DYM: variants seen among roughly 807,000 people sequenced by gnomAD.
DYM encodes dymeclin.
Under a neutral mutation model 93.1 loss-of-function variants are expected in DYM, and 78 were observed. The observed-to-expected ratio is 0.84, with a 90% CI of 0.70 to 1.01. The LOEUF (loss-of-function observed/expected upper bound fraction) is 1.01, where lower values mean the gene tolerates loss of function less well. Ranked by LOEUF, DYM falls within the 50% of genes least tolerant of loss-of-function variation. DYM has a pLI of 0.00. For synonymous variants in DYM, 321 were observed against 319.7 expected, an observed-to-expected ratio of 1.00 and a Z score of -0.04; for missense variants, 789 against 845.0, an observed-to-expected ratio of 0.93 and a Z score of 0.82.
intron 13 of DYM, among the ~76,000 whole-genome samples, chr18:49,247,261 A>G (rs1427107174): frequency 6.6e-6 from 1 of 152,174 alleles, no homozygotes; most frequent in African/African-American, 2.4e-5. Flanking sequence ...GGGTATGGGA[A>G]CCACACAAGA....
intron 16 of DYM, among the ~76,000 whole-genome samples, chr18:49,112,702 A>C (rs535426942): frequency 6.6e-6 from 1 of 152,326 alleles, no homozygotes; most frequent in African/African-American, 2.4e-5. Context: ...CATACAATAA[A>C]ATAAACATAC....
At chr18:49,309,726 TTAA>T (rs1280730398) in intron 8 of DYM, among the ~76,000 whole-genome samples, 3 of 152,240 alleles carry the variant, frequency 2.0e-5, no homozygotes, top group African/African-American at 7.2e-5. Context: ...ATCTGTGGTC[TTAA>T]AATTTCCTGC....
chr18:49,392,994 C>CAAAA lies in DYM; in HGVS notation c.141-1353_141-1350dup, dbSNP rs756183855. ...TGGGAGACAGAGTCAGACTCCATCTCAAAAAAAAAAAAAGAAGAAGAAGAA... is the reference window on the plus strand; with the variant it reads ...TGGGAGACAGAGTCAGACTCCATCTCAAAAAAAAAAAAAAAAAGAAGAAGAAGAA... On this transcript the variant is annotated intron_variant, in intron 2 of 17. Transcript: ENST00000675505. Among the ~76,000 whole-genome samples, 498 of 61,888 alleles carry CAAAA rather than the reference C, an allele frequency of 8.0e-3. 21 individuals are homozygous for CAAAA. The highest frequency in any genetic ancestry group is 0.028 in the African/African-American group (473 of 16,896). 40.6% of individuals were successfully genotyped at this position (61,888 alleles called of 152,430 possible). A position where few individuals can be genotyped will look rare whatever the true frequency, so the allele number is the denominator to read the frequency against.
intron 16 of DYM, among the ~76,000 whole-genome samples, chr18:49,106,291 A>G (rs1467206470): frequency 6.6e-6 from 1 of 152,034 alleles, no homozygotes; most frequent in African/African-American, 2.4e-5. Flanking sequence ...TTCTGAGCCT[A>G]TTTGTGTCTC....
At chr18:49,257,138 C>G in intron 12 of DYM, 34 bp from the exon 13 acceptor site, 1 of 1,497,034 alleles carries the variant, frequency 6.7e-7, no homozygotes, top group Non-Finnish European at 9.3e-7. Context: ...AACATACAAT[C>G]AAGTCTTCTC....
chr18:49,445,386 G>T (rs566122750), intron 1 of DYM, among the ~76,000 whole-genome samples: 2 of 152,006 alleles, frequency 1.3e-5, no homozygotes, highest in Non-Finnish European at 2.9e-5. Context: ...TCTTTTAACC[G>T]TTTCATATTG....
chr18:49,203,414 C>T (rs1176915349), intron 14 of DYM, among the ~76,000 whole-genome samples: 1 of 144,292 alleles, frequency 6.9e-6, no homozygotes, highest in African/African-American at 2.7e-5. Context: ...AATAGAAAGG[C>T]GGGAAAGGTG....
chr18:49,116,696 T>G (rs2081955763), intron 16 of DYM, among the ~76,000 whole-genome samples: 1 of 152,230 alleles, frequency 6.6e-6, no homozygotes, highest in Non-Finnish European at 1.5e-5. Context: ...ACTCTTTACT[T>G]TCCTTAATAA....
At chr18:49,282,851 T>C (rs1325714930) in intron 9 of DYM, among the ~76,000 whole-genome samples, 1 of 152,054 alleles carries the variant, frequency 6.6e-6, no homozygotes, top group Admixed American at 6.6e-5. Context: ...AAAAAATATC[T>C]ACAGAAAAAG....
Position 49,258,381 on chromosome 18 carries a change from C to T in DYM, c.1364G>A (p.Arg455Gln), listed in dbSNP as rs1186473556. The T allele has an allele frequency of 3.2e-6, 5 of 1,586,298 alleles. No homozygotes were observed. The highest frequency in any genetic ancestry group is 3.3e-5 in the Admixed American group (2 of 59,968). Reference sequence around the variant, plus strand: ...TAGAATAGCAGCTGGAATACTTACTCGTGTCCTAGTCATGTTGTATTGAAT... The same window carrying T: ...TAGAATAGCAGCTGGAATACTTACTTGTGTCCTAGTCATGTTGTATTGAAT... ...RTIQYNMTRT[R>Q]DKYLHTNCLA... is the part of the protein sequence containing the mutation. Residue 455 changes from arginine to glutamine, a missense_variant and splice_region_variant, in exon 12 of 18, where the codon CGA becomes CAA. Transcript: ENST00000675505.
At chr18:49,216,133 G>C (rs137857271) in intron 13 of DYM, among the ~76,000 whole-genome samples, 1 of 152,172 alleles carries the variant, frequency 6.6e-6, no homozygotes, top group Non-Finnish European at 1.5e-5. Flanking sequence ...CTACACCCAC[G>C]GAGTCTCACT....
rs1418977758 is a variant in DYM at position 49,036,772 on chromosome 18, G to A, written c.*7283C>T. On this transcript the variant is annotated 3_prime_UTR_variant, in exon 18 of 18. Coordinates refer to ENST00000675505, the MANE Select transcript of DYM (RefSeq NM_001353214.3). ...AGGGTTTCACCATGTTATCCAGGCT[G>A]GCTCTTAAATATTTTAAATGTCTGC... Among the ~76,000 whole-genome samples the A allele has an allele frequency of 6.6e-6, 1 of 151,974 alleles. No individual in the cohort carries two copies. Among genetic ancestry groups the A allele is most frequent in the African/African-American group, 2.4e-5 (1 of 41,364 alleles).
chr18:49,316,383 T>G (rs568362714), intron 8 of DYM, among the ~76,000 whole-genome samples: 1 of 152,180 alleles, frequency 6.6e-6, no homozygotes, highest in Non-Finnish European at 1.5e-5. Flanking sequence ...CTGGCTTATT[T>G]TGTAAAACTG....
chr18:49,425,440 C>G (rs2148402298), intron 2 of DYM, among the ~76,000 whole-genome samples: 1 of 152,164 alleles, frequency 6.6e-6, no homozygotes, highest in Middle Eastern at 3.4e-3. Flanking sequence ...CGATAAAAAC[C>G]CTAGAAGAAA....
At chr18:49,222,268 C>A (rs546427190) in intron 13 of DYM, among the ~76,000 whole-genome samples, 92 of 152,104 alleles carry the variant, frequency 6.0e-4, no homozygotes, top group African/African-American at 2.2e-3. Flanking sequence ...TGAATTAGAA[C>A]TAAGAGTATA....
chr18:49,431,606 G>A (rs1291236024), intron 1 of DYM: 3 of 152,102 alleles, frequency 2.0e-5, no homozygotes, highest in Non-Finnish European at 4.4e-5. Context: ...ATGGTGATAA[G>A]ATAAATAATA....
At chr18:49,345,599 A>G (rs2064519445) in intron 6 of DYM, among the ~76,000 whole-genome samples, 1 of 152,156 alleles carries the variant, frequency 6.6e-6, no homozygotes, top group Non-Finnish European at 1.5e-5. Flanking sequence ...TTAAGGAACA[A>G]CAAAGAGGCC....
chr18:49,182,889 G>C (rs185014320), intron 14 of DYM, among the ~76,000 whole-genome samples: 2 of 152,176 alleles, frequency 1.3e-5, no homozygotes, highest in African/African-American at 4.8e-5. Flanking sequence ...TGTCTGTTTT[G>C]GTTGTTGTTT....
chr18:49,313,192 A>G (rs1014706989), intron 8 of DYM, among the ~76,000 whole-genome samples: 5 of 152,090 alleles, frequency 3.3e-5, no homozygotes, highest in African/African-American at 7.2e-5. Flanking sequence ...TAGGCCGGGC[A>G]TGGTGGCTCA....
Sources: allele counts gnomAD v4.1 joint callset (sites outside exome capture counted in the v4.1 genomes callset), GRCh38; gene constraint gnomAD v4.1.1; transcripts MANE v1.5; gene names NCBI Gene and HGNC (gene_info 2026-07-23, HGNC 2026-07-21).